The following EFCAB11 variants were observed in gnomAD, a reference collection of about 807,000 sequenced individuals.
EFCAB11 encodes EF-hand calcium binding domain 11.
EFCAB11 carries 14 observed loss-of-function variants against 23.0 expected under a neutral mutation model. The observed-to-expected ratio is 0.61, with a 90% CI of 0.40 to 0.95. EFCAB11 has a LOEUF of 0.95. Among genes scored for constraint, EFCAB11 ranks in the 40% least tolerant of loss-of-function variants. The pLI is 0.00. For missense variants in EFCAB11, 198 were observed against 195.8 expected (o/e 1.01, Z -0.07); for synonymous variants, 65 against 66.6 (o/e 0.98, Z 0.11).
At chr14:89,832,005 C>T (rs1452948404) in intron 5 of EFCAB11, among the ~76,000 whole-genome samples, 1 of 152,056 alleles carries the variant, frequency 6.6e-6, no homozygotes, top group East Asian at 1.9e-4. Flanking sequence ...GCAGGCATAA[C>T]TTAGAGATCT....
intron 5 of EFCAB11, among the ~76,000 whole-genome samples, chr14:89,863,472 A>G (rs1195828282): frequency 6.6e-6 from 1 of 152,226 alleles, no homozygotes. Context: ...CATCCTCTGC[A>G]GGCTTTCTCC....
chr14:89,954,774 G>A (rs1008855867), upstream of EFCAB11: 41 of 1,447,968 alleles, frequency 2.8e-5, 1 homozygote, highest in East Asian at 9.6e-4. Flanking sequence ...GAACTTCACC[G>A]CGCAACTCCG....
chr14:89,933,523 T>C (rs765027124), intron 3 of EFCAB11, among the ~76,000 whole-genome samples: 5 of 152,248 alleles, frequency 3.3e-5, no homozygotes, highest in African/African-American at 7.2e-5. Flanking sequence ...GTTCCAATCA[T>C]TTAAAAAAAT....
chr14:89,919,108 G>A (rs929253558), intron 5 of EFCAB11, among the ~76,000 whole-genome samples: 2 of 151,904 alleles, frequency 1.3e-5, no homozygotes, highest in African/African-American at 4.8e-5. Context: ...GATCAAGGCC[G>A]GCACCAGGGG....
In EFCAB11 at chr14:89,953,980, C is replaced by A. The variant is rs188339733; in HGVS notation, c.97G>T (p.Asp33Tyr). ...WVEVFKACDE[D>Y]HKGYLSREDF... The stretch of plus-strand genomic sequence containing the variant: ...TCTCTGCTGAGATATCCTTTGTGAT[C>A]TTCATCACATGCTTTAAATACCTGA... The change falls in exon 2 of 6, where the codon GAT (aspartate) becomes TAT (tyrosine). Residue 33 changes from aspartate (D) to tyrosine (Y), a missense_variant. Asp to Tyr is a radical substitution (Grantham distance 160, BLOSUM62 -3). Transcript: ENST00000316738. The A allele has an allele frequency of 6.2e-6, 10 of 1,613,224 alleles. No homozygotes were observed. The Admixed American group carries it at 1.7e-4, about 27-fold the overall frequency.
At chr14:89,934,300 T>A (rs897976815) in intron 3 of EFCAB11, among the ~76,000 whole-genome samples, 11 of 152,098 alleles carry the variant, frequency 7.2e-5, no homozygotes, top group Admixed American at 3.3e-4. Context: ...GCAGTGGGGA[T>A]GAGAGGAGTG....
chr14:89,868,869 C>T (rs541598502), intron 5 of EFCAB11, among the ~76,000 whole-genome samples: 1 of 152,300 alleles, frequency 6.6e-6, no homozygotes, highest in South Asian at 2.1e-4. Flanking sequence ...AAATACTATG[C>T]AAACCTGCTT....
chr14:89,873,971 G>A (rs1366542281), intron 5 of EFCAB11, among the ~76,000 whole-genome samples: 5 of 152,368 alleles, frequency 3.3e-5, no homozygotes, highest in Admixed American at 2.0e-4. Flanking sequence ...ACTAGTCCCA[G>A]TGGGGACTCT....
Position 89,845,179 on chromosome 14 carries a change from T to C in EFCAB11, c.411-47855A>G, listed in dbSNP as rs1263087483. ...ACCTAACATATTACAGTTTTTAAAATATGTGCTCATCCATTTCTCTTCCAT... is the reference window on the plus strand; with the variant it reads ...ACCTAACATATTACAGTTTTTAAAACATGTGCTCATCCATTTCTCTTCCAT... On this transcript the variant is annotated intron_variant, in intron 5 of 5. Transcript: ENST00000316738. Among the ~76,000 whole-genome samples the C allele has an allele frequency of 3.9e-5, 6 of 152,342 alleles. No homozygotes were observed. In the East Asian group the frequency reaches 1.2e-3, roughly 29 times the overall value.
At chr14:89,822,754 A>C (rs2140103744) in intron 5 of EFCAB11, among the ~76,000 whole-genome samples, 1 of 152,340 alleles carries the variant, frequency 6.6e-6, no homozygotes, top group South Asian at 2.1e-4. Flanking sequence ...CTGAGAGTGG[A>C]GACCTCACTG....
chr14:89,875,933 C>T (rs200129726), intron 5 of EFCAB11, among the ~76,000 whole-genome samples: 2 of 152,100 alleles, frequency 1.3e-5, no homozygotes, highest in Non-Finnish European at 2.9e-5. Flanking sequence ...AGGTCAGACT[C>T]GACCCAAGAG....
chr14:89,892,417 G>A (rs1305958527), intron 5 of EFCAB11: 1 of 1,582,904 alleles, frequency 6.3e-7, no homozygotes, highest in Non-Finnish European at 8.6e-7. Flanking sequence ...CCAGCAGGAA[G>A]CAGCACCCAG....
At chr14:89,905,726 C>G (rs1889477097) in intron 5 of EFCAB11, among the ~76,000 whole-genome samples, 1 of 152,076 alleles carries the variant, frequency 6.6e-6, no homozygotes, top group Non-Finnish European at 1.5e-5. Flanking sequence ...GAGTAGCCAG[C>G]CTTGAGGACC....
At chr14:89,894,897 G>A (rs932344230) in intron 5 of EFCAB11, among the ~76,000 whole-genome samples, 2 of 152,134 alleles carry the variant, frequency 1.3e-5, no homozygotes, top group African/African-American at 4.8e-5. Context: ...GATAAAATAT[G>A]TAGGAAGAAA....
At chr14:89,867,876 G>C (rs1596411492) in intron 5 of EFCAB11, among the ~76,000 whole-genome samples, 1 of 152,196 alleles carries the variant, frequency 6.6e-6, no homozygotes, top group East Asian at 1.9e-4. Context: ...TGAAGAAGGG[G>C]TGAGCTTAGC....
intron 5 of EFCAB11, chr14:89,892,283 G>A (rs540171661): frequency 8.9e-5 from 143 of 1,613,814 alleles, no homozygotes; most frequent in South Asian, 7.3e-4. Flanking sequence ...CAACTGCAAT[G>A]TGGACCTGGC....
At chr14:89,925,579 T>C (rs574597186) in intron 5 of EFCAB11, among the ~76,000 whole-genome samples, 1 of 152,154 alleles carries the variant, frequency 6.6e-6, no homozygotes, top group African/African-American at 2.4e-5. Context: ...AACATCATCT[T>C]TGATACAGTA....
chr14:89,911,902 T>C (rs558275653), intron 5 of EFCAB11, among the ~76,000 whole-genome samples: 90 of 152,340 alleles, frequency 5.9e-4, no homozygotes, highest in Non-Finnish European at 9.8e-4. Flanking sequence ...GCAATTTGCA[T>C]GAATTATCCC....
chr14:89,895,980 C>T (rs1169178888), intron 5 of EFCAB11, among the ~76,000 whole-genome samples: 1 of 152,096 alleles, frequency 6.6e-6, no homozygotes, highest in Admixed American at 6.6e-5. Context: ...ACAGGTATGT[C>T]ACAGAGGAGA....
Sources: gnomAD v4.1 joint callset for allele counts (sites outside exome capture counted in the v4.1 genomes callset) on GRCh38, gnomAD v4.1.1 for gene constraint, MANE v1.5 for transcripts, NCBI Gene and HGNC (gene_info 2026-07-23, HGNC 2026-07-21) for gene names.